The following PON3 variants were observed in gnomAD, a reference collection of about 807,000 sequenced individuals.
The protein encoded by PON3 is serum paraoxonase/lactonase 3.
A neutral mutation model predicts 36.3 loss-of-function variants in PON3; 37 were observed. That is an observed-to-expected ratio of 1.02 (90% CI 0.78 to 1.34). The LOEUF is 1.34. PON3 is among the 40% of genes most tolerant of loss of function. PON3 has a pLI of 0.00. For missense variants in PON3, 415 were observed against 426.5 expected, an observed-to-expected ratio of 0.97 and a Z score of 0.24; for synonymous variants, 155 against 154.8, an observed-to-expected ratio of 1.00 and a Z score of -0.01.
At chr7:95,372,091 G>A in intron 4 of PON3, 82 bp downstream of exon 4, 1 of 1,457,020 alleles carries the variant, frequency 6.9e-7, no homozygotes, top group Non-Finnish European at 9.6e-7. Flanking sequence ...CTCTCTTCCT[G>A]TTACATAAAT....
chr7:95,362,468 A>G lies in PON3; in HGVS notation c.800T>C (p.Val267Ala). The G allele has an allele frequency of 6.2e-7, 1 of 1,613,788 alleles. No homozygotes were observed. The highest frequency in any genetic ancestry group is 8.5e-7 in the Non-Finnish European group (1 of 1,179,786). ...QLKVIQLGTL[V>A]DNLTVDPATG... ...GGCAGGATCGACAGTCAGGTTATCC[A>G]CTAAGGTGCCCAACTGTATCACCTT... The change falls in exon 8 of 9, where the codon GTG becomes GCG. Residue 267 changes from valine (V) to alanine (A), a missense_variant. By Grantham distance (64) the Val-to-Ala change is moderately conservative. Coordinates refer to ENST00000265627, the MANE Select transcript of PON3 (RefSeq NM_000940.3).
At chr7:95,369,396 G>A (rs892275525) in intron 4 of PON3, among the ~76,000 whole-genome samples, 1 of 152,222 alleles carries the variant, frequency 6.6e-6, no homozygotes, top group Non-Finnish European at 1.5e-5. Context: ...CATTTGAAGA[G>A]TAACAGTTAA....
At chr7:95,366,556 A>C (rs1175851429) in intron 5 of PON3, among the ~76,000 whole-genome samples, 1 of 152,192 alleles carries the variant, frequency 6.6e-6, no homozygotes, top group African/African-American at 2.4e-5. Context: ...TTTTGGAGCC[A>C]GTTTTTTAAT....
intron 1 of PON3, among the ~76,000 whole-genome samples, chr7:95,395,143 A>G (rs1160263583): frequency 6.6e-6 from 1 of 152,302 alleles, no homozygotes; most frequent in East Asian, 1.9e-4. Context: ...CCAAAATTCA[A>G]CAGGGTCTCC....
At position 95,367,348 on chromosome 7, in the gene PON3, CT is replaced by C. The variant is rs1808719546; in HGVS notation, c.494+13del. 1 of 1,610,504 alleles carries C rather than the reference CT, an allele frequency of 6.2e-7. No individual in the cohort carries two copies. Among genetic ancestry groups the C allele is most frequent in the Non-Finnish European group, 8.5e-7 (1 of 1,179,472 alleles). On this transcript the variant is annotated intron_variant, in intron 5 of 8. Transcript: ENST00000265627. Reference sequence around the variant, plus strand: ...GCAAAGTAAATAGAACCGCACAATACTTTCATTCCATACCTTTTGAGAAGTT... The same window carrying C: ...GCAAAGTAAATAGAACCGCACAATACTTCATTCCATACCTTTTGAGAAGTT...
chr7:95,386,132 A>C (rs1809184378), intron 3 of PON3, among the ~76,000 whole-genome samples: 1 of 152,212 alleles, frequency 6.6e-6, no homozygotes, highest in South Asian at 2.1e-4. Context: ...AACTAAGATC[A>C]GAGCAGAACT....
chr7:95,370,511 T>A (rs920190764), intron 4 of PON3, among the ~76,000 whole-genome samples: 7 of 152,322 alleles, frequency 4.6e-5, no homozygotes, highest in Non-Finnish European at 7.4e-5. Flanking sequence ...TATAAACCAA[T>A]GAAAAATTGT....
At position 95,384,080 on chromosome 7, in the gene PON3, C is replaced by G. The variant is rs925131953; in HGVS notation, c.201+6074G>C. 2.6e-5 allele frequency among the ~76,000 whole-genome samples: 4 copies of G among 152,162 alleles called. No individual in the cohort carries two copies. In the East Asian group the frequency reaches 7.7e-4, roughly 29 times the overall value. On this transcript the variant is annotated intron_variant, in intron 3 of 8. Coordinates refer to ENST00000265627, the MANE Select transcript of PON3 (RefSeq NM_000940.3). ...CTACAACTATCTGATCTTTGACAAA[C>G]CTGATAAAAACAAGAAATGGGGAAA...
intron 3 of PON3, among the ~76,000 whole-genome samples, chr7:95,376,643 TAA>T (rs550088571): frequency 7.0e-6 from 1 of 143,074 alleles, no homozygotes; most frequent in African/African-American, 2.5e-5. Context: ...CAGTGAAAAT[TAA>T]AAAAAAAAAA....
chr7:95,395,317 C>A (rs1809404788), intron 1 of PON3, among the ~76,000 whole-genome samples: 1 of 152,124 alleles, frequency 6.6e-6, no homozygotes, highest in Admixed American at 6.5e-5. Context: ...TTTCCACATT[C>A]TTCTAATATC....
chr7:95,370,041 G>A (rs1808776482), intron 4 of PON3, among the ~76,000 whole-genome samples: 1 of 152,180 alleles, frequency 6.6e-6, no homozygotes, highest in Non-Finnish European at 1.5e-5. Context: ...CTGGTCCAGA[G>A]AGTCTGGAGG....
At chr7:95,381,791 C>T (rs931268917) in intron 3 of PON3, among the ~76,000 whole-genome samples, 2 of 152,142 alleles carry the variant, frequency 1.3e-5, no homozygotes, top group Non-Finnish European at 2.9e-5. Flanking sequence ...TTAGACAGAT[C>T]AACGAGACAG....
intron 4 of PON3, among the ~76,000 whole-genome samples, chr7:95,368,021 A>G (rs1045674265): frequency 6.6e-6 from 1 of 152,216 alleles, no homozygotes; most frequent in African/African-American, 2.4e-5. Flanking sequence ...TAGTGAGCTC[A>G]ATGGACATGG....
intron 8 of PON3, 143 bp from the exon 9 acceptor site, chr7:95,360,274 T>G (rs939740764): frequency 1.2e-6 from 1 of 854,924 alleles, no homozygotes; most frequent in Non-Finnish European, 1.9e-6. Flanking sequence ...GTTCTTCTTC[T>G]GATGAAAGTA....
At chr7:95,363,098 C>T (rs937783958) in intron 6 of PON3, among the ~76,000 whole-genome samples, 5 of 151,868 alleles carry the variant, frequency 3.3e-5, no homozygotes, top group Non-Finnish European at 7.4e-5. Flanking sequence ...CTTATTACTT[C>T]GAAGTCACAA....
intron 4 of PON3, among the ~76,000 whole-genome samples, chr7:95,367,962 T>A (rs1321896825): frequency 6.6e-6 from 1 of 152,152 alleles, no homozygotes; most frequent in Non-Finnish European, 1.5e-5. Flanking sequence ...ATAAGCAACA[T>A]TTCCCAGCTA....
chr7:95,364,106 TA>T (rs1808639872), intron 5 of PON3, 43 bp from the exon 6 acceptor site: 1 of 1,464,866 alleles, frequency 6.8e-7, no homozygotes, highest in African/African-American at 1.4e-5. Flanking sequence ...ATGAGGTATT[TA>T]AATATCCTTT....
intron 3 of PON3, among the ~76,000 whole-genome samples, chr7:95,377,328 C>T (rs1471995855): frequency 1.3e-5 from 2 of 152,328 alleles, no homozygotes; most frequent in South Asian, 2.1e-4. Flanking sequence ...TAGATTCCAC[C>T]TCTGTGGGCA....
chr7:95,394,177 G>A (rs1809379687), intron 2 of PON3, among the ~76,000 whole-genome samples: 1 of 152,104 alleles, frequency 6.6e-6, no homozygotes, highest in South Asian at 2.1e-4. Flanking sequence ...GATTACAGGT[G>A]TGAGCCACTG....
Sources: gnomAD v4.1 joint callset for allele counts (sites outside exome capture counted in the v4.1 genomes callset) on GRCh38, gnomAD v4.1.1 for gene constraint, MANE v1.5 for transcripts, NCBI Gene and HGNC (gene_info 2026-07-23, HGNC 2026-07-21) for gene names.